PCDH15: variants seen among roughly 807,000 people sequenced by gnomAD.
The protein encoded by PCDH15 is protocadherin-15.
A neutral mutation model predicts 178.5 loss-of-function variants in PCDH15; 129 were observed. The ratio of observed to expected loss-of-function variants is 0.72; its 90% CI spans 0.63 to 0.84. PCDH15 has a LOEUF of 0.84. Among genes scored for constraint, PCDH15 ranks in the 40% least tolerant of loss-of-function variants. The pLI, the probability that PCDH15 is intolerant of heterozygous loss-of-function variation, is 0.00. For missense variants in PCDH15, 2,230 were observed against 2,099.9 expected (o/e 1.06, Z -1.21); for synonymous variants, 800 against 732.0 (o/e 1.09, Z -1.50).
intron 1 of PCDH15, among the ~76,000 whole-genome samples, chr10:54,741,176 G>T (rs1184971919): frequency 1.4e-5 from 2 of 145,260 alleles, no homozygotes; most frequent in Admixed American, 6.9e-5. Context: ...AATATAAACA[G>T]AAATATATTT....
chr10:54,990,582 A>AGT (rs1364561138), intron 2 of PCDH15, among the ~76,000 whole-genome samples: 1 of 152,140 alleles, frequency 6.6e-6, no homozygotes, highest in Non-Finnish European at 1.5e-5. Context: ...ATTTCTACCC[A>AGT]GTGTTGTTTG....
intron 14 of PCDH15, among the ~76,000 whole-genome samples, chr10:54,143,177 A>T (rs1318999751): frequency 6.6e-6 from 1 of 152,136 alleles, no homozygotes; most frequent in Non-Finnish European, 1.5e-5. Flanking sequence ...AGGTGGTGCT[A>T]AGTTTCCTTT....
In PCDH15 at chr10:54,961,972, T is replaced by C. The variant is rs539721114; in HGVS notation, c.-79-64472A>G. On this transcript the variant is annotated intron_variant, in intron 2 of 5. Coordinates refer to the PCDH15 transcript ENST00000458638. ...CTCATTGGGATGATATGCCTACAGA[T>C]AGGAGCAACCTACCTTGGGTCTCCT... is the stretch of plus-strand genomic sequence containing the variant. 3.9e-5 allele frequency among the ~76,000 whole-genome samples: 6 copies of C among 152,328 alleles called. No homozygotes were observed. The East Asian group carries it at 5.8e-4, about 15-fold the overall frequency.
At chr10:55,301,448 T>G (rs996578792) in intron 1 of PCDH15, among the ~76,000 whole-genome samples, 90 of 151,924 alleles carry the variant, frequency 5.9e-4, no homozygotes, top group African/African-American at 2.0e-3. Context: ...TTCTAATTGT[T>G]TTTTTTTTCT....
chr10:55,527,770 C>G (rs1841334652), intron 2 of PCDH15, among the ~76,000 whole-genome samples: 1 of 151,994 alleles, frequency 6.6e-6, no homozygotes, highest in Non-Finnish European at 1.5e-5. Context: ...AAAGTCCTGT[C>G]TTCAGCTGTT....
Position 53,878,433 on chromosome 10 carries a change from T to TAC in PCDH15, c.3502-11577_3502-11576insGT, listed in dbSNP as rs10683838. ...CGTACACACACGTTGAATATATATA[T>TAC]ATATCTCCATATATATAAAATGTGT... On this transcript the variant is annotated intron_variant, in intron 26 of 37. Transcript: ENST00000644397. 4.7e-3 allele frequency among the ~76,000 whole-genome samples: 383 copies of TAC among 80,906 alleles called. 1 individual carries two copies. Among genetic ancestry groups the TAC allele is most frequent in the African/African-American group, 0.013 (354 of 28,282 alleles). 53.1% of individuals were successfully genotyped at this position (80,906 alleles called of 152,430 possible).
chr10:54,542,754 G>A (rs1324601775), intron 2 of PCDH15, among the ~76,000 whole-genome samples: 3 of 151,992 alleles, frequency 2.0e-5, no homozygotes, highest in African/African-American at 7.2e-5. Flanking sequence ...CATGGAAGGG[G>A]GAAAGGGAAG....
chr10:54,367,536 T>C (rs1946985777), intron 5 of PCDH15, among the ~76,000 whole-genome samples: 1 of 151,938 alleles, frequency 6.6e-6, no homozygotes, highest in Non-Finnish European at 1.5e-5. Flanking sequence ...GAAACCGTCA[T>C]TCTCAGCAAA....
chr10:54,775,954 C>T (rs544487195), intron 1 of PCDH15, among the ~76,000 whole-genome samples: 1 of 152,246 alleles, frequency 6.6e-6, no homozygotes, highest in East Asian at 1.9e-4. Context: ...CCTTTCCAGC[C>T]TGTAGTAACC....
chr10:54,953,550 G>T (rs995979293), intron 2 of PCDH15, among the ~76,000 whole-genome samples: 2 of 151,172 alleles, frequency 1.3e-5, no homozygotes, highest in Non-Finnish European at 3.0e-5. Context: ...TGATACCTGG[G>T]CTCTCCGGTT....
At chr10:54,422,520 G>A (rs758837017) in intron 3 of PCDH15, among the ~76,000 whole-genome samples, 21 of 152,052 alleles carry the variant, frequency 1.4e-4, no homozygotes, top group Admixed American at 9.2e-4. Flanking sequence ...TCTCAACATC[G>A]GCACTACGAC....
chr10:55,539,286 T>C (rs538115746), intron 2 of PCDH15, among the ~76,000 whole-genome samples: 49 of 152,200 alleles, frequency 3.2e-4, no homozygotes, highest in African/African-American at 1.1e-3. Context: ...CAGTTTATTC[T>C]TCATAATCAA....
At chr10:54,745,877 G>T (rs1199709727) in intron 1 of PCDH15, among the ~76,000 whole-genome samples, 1 of 152,056 alleles carries the variant, frequency 6.6e-6, no homozygotes, top group Non-Finnish European at 1.5e-5. Flanking sequence ...TTTTAGAAAA[G>T]AATATACTTT....
intron 2 of PCDH15, among the ~76,000 whole-genome samples, chr10:55,477,219 G>T (rs1341754797): frequency 3.3e-5 from 5 of 151,742 alleles, no homozygotes; most frequent in African/African-American, 1.2e-4. Context: ...CTAGATAGGA[G>T]AAAAGCATTT....
chr10:54,423,393 C>T (rs1482958291), intron 3 of PCDH15, among the ~76,000 whole-genome samples: 6 of 151,620 alleles, frequency 4.0e-5, no homozygotes, highest in South Asian at 2.1e-4. Context: ...AACTTACTAA[C>T]GAAAGGGAGT....
At chr10:53,825,136 T>G in intron 32 of PCDH15, 2 of 1,542,684 alleles carry the variant, frequency 1.3e-6, no homozygotes, top group African/African-American at 1.4e-5. Context: ...ATTTACTTAC[T>G]TATGCCTATG....
chr10:54,396,313 A>G (rs1951215861), intron 3 of PCDH15, among the ~76,000 whole-genome samples: 1 of 152,094 alleles, frequency 6.6e-6, no homozygotes, highest in Non-Finnish European at 1.5e-5. Flanking sequence ...TCTTTGTTGA[A>G]CAATGCGTTA....
At chr10:54,140,964 G>A (rs957348876) in intron 14 of PCDH15, among the ~76,000 whole-genome samples, 1 of 152,082 alleles carries the variant, frequency 6.6e-6, no homozygotes, top group Non-Finnish European at 1.5e-5. Flanking sequence ...TTACAGGCAT[G>A]AGCCACCATG....
At chr10:55,224,433 C>T (rs1840969460) in intron 1 of PCDH15, among the ~76,000 whole-genome samples, 1 of 151,980 alleles carries the variant, frequency 6.6e-6, no homozygotes, top group Non-Finnish European at 1.5e-5. Context: ...TCCTTGTGTG[C>T]TTTTGCTTGA....
Sources: allele counts gnomAD v4.1 joint callset (sites outside exome capture counted in the v4.1 genomes callset), GRCh38; gene constraint gnomAD v4.1.1; transcripts MANE v1.5; gene names NCBI Gene and HGNC (gene_info 2026-07-23, HGNC 2026-07-21).